The following FHIT variants were observed in gnomAD, a reference collection of about 807,000 sequenced individuals.
The protein encoded by FHIT is fragile histidine triad diadenosine triphosphatase.
FHIT carries 19 observed loss-of-function variants against 17.9 expected under a neutral mutation model. That is an observed-to-expected ratio of 1.06 (90% CI 0.74 to 1.56). The LOEUF (loss-of-function observed/expected upper bound fraction) is 1.56. Ranked by LOEUF, FHIT falls within the 40% of genes most tolerant of loss-of-function variation. FHIT has a pLI of 0.00. For missense variants in FHIT, 248 were observed against 189.2 expected, an observed-to-expected ratio of 1.31 and a Z score of -1.82; for synonymous variants, 81 against 69.7, an observed-to-expected ratio of 1.16 and a Z score of -0.81.
At chr3:60,807,073 T>A (rs1170411321) in intron 4 of FHIT, among the ~76,000 whole-genome samples, 1 of 152,180 alleles carries the variant, frequency 6.6e-6, no homozygotes, top group African/African-American at 2.4e-5. Context: ...AAATTATTAA[T>A]CAGTTGAAGT....
intron 5 of FHIT, among the ~76,000 whole-genome samples, chr3:60,368,782 T>C (rs1250081411): frequency 2.0e-5 from 3 of 152,186 alleles, no homozygotes; most frequent in South Asian, 4.1e-4. Context: ...TAATTTGTTA[T>C]AGAACTTCTA....
intron 5 of FHIT, among the ~76,000 whole-genome samples, chr3:60,450,586 G>A (rs986933497): frequency 1.3e-5 from 2 of 152,164 alleles, no homozygotes; most frequent in African/African-American, 4.8e-5. Flanking sequence ...TGCAGAGCAG[G>A]AAGAGAGATT....
chr3:61,230,503 T>C (rs914809648), intron 1 of FHIT, among the ~76,000 whole-genome samples: 9 of 152,132 alleles, frequency 5.9e-5, no homozygotes, highest in Admixed American at 5.9e-4. Flanking sequence ...GTGAGCCAAT[T>C]AAATCTCTAT....
chr3:61,040,105 G>A lies in FHIT; in HGVS notation c.-111+1942C>T, dbSNP rs149892581. 1.1e-3 allele frequency among the ~76,000 whole-genome samples: 163 copies of A among 152,248 alleles called. 1 individual carries two copies. Among genetic ancestry groups the A allele is most frequent in the East Asian group, 4.1e-3 (21 of 5,170 alleles). ...TTTGCAAACCTCAAAGGGGTTTAAC[G>A]AAACCTTACTCTCCCCTTTAAATGT... On this transcript the variant is annotated intron_variant, in intron 3 of 9. Transcript: ENST00000492590.
At chr3:60,688,803 T>A (rs2040919751) in intron 4 of FHIT, among the ~76,000 whole-genome samples, 1 of 152,214 alleles carries the variant, frequency 6.6e-6, no homozygotes, top group African/African-American at 2.4e-5. Context: ...GTAAATGATA[T>A]GTTTGTAACA....
At chr3:60,590,955 G>T (rs906764381) in intron 4 of FHIT, among the ~76,000 whole-genome samples, 4 of 151,918 alleles carry the variant, frequency 2.6e-5, no homozygotes, top group African/African-American at 4.8e-5. Context: ...CATCCAGGGG[G>T]GAAAAATGGA....
intron 4 of FHIT, among the ~76,000 whole-genome samples, chr3:60,664,976 T>G (rs1226825897): frequency 6.6e-6 from 1 of 151,992 alleles, no homozygotes; most frequent in Admixed American, 6.5e-5. Context: ...CTTTTATCCT[T>G]ATTATTTCCT....
chr3:60,769,797 G>A (rs1470643607), intron 4 of FHIT, among the ~76,000 whole-genome samples: 1 of 152,188 alleles, frequency 6.6e-6, no homozygotes, highest in African/African-American at 2.4e-5. Context: ...TATTAACTTA[G>A]GTTTTCAATT....
At chr3:60,173,717 A>C (rs531315210) in intron 5 of FHIT, among the ~76,000 whole-genome samples, 90 of 151,266 alleles carry the variant, frequency 5.9e-4, no homozygotes, top group Middle Eastern at 6.8e-3. Flanking sequence ...AACTGGTCTC[A>C]GTTCTCAGTG....
intron 2 of FHIT, among the ~76,000 whole-genome samples, chr3:61,147,883 A>G (rs2037272323): frequency 6.6e-6 from 1 of 152,038 alleles, no homozygotes; most frequent in African/African-American, 2.4e-5. Flanking sequence ...AATTGACATT[A>G]TCATTTGGCC....
chr3:60,310,098 C>G (rs1232812000), intron 5 of FHIT, among the ~76,000 whole-genome samples: 1 of 152,070 alleles, frequency 6.6e-6, no homozygotes, highest in African/African-American at 2.4e-5. Context: ...ACAAAGGCAA[C>G]CTTTATTTAC....
chr3:61,124,797 A>T (rs760747766), intron 2 of FHIT, among the ~76,000 whole-genome samples: 3 of 152,204 alleles, frequency 2.0e-5, no homozygotes, highest in Non-Finnish European at 4.4e-5. Flanking sequence ...TCGATCATCC[A>T]TCTGTGCAGT....
chr3:59,937,824 T>G (rs1233803169), intron 7 of FHIT, among the ~76,000 whole-genome samples: 1 of 152,194 alleles, frequency 6.6e-6, no homozygotes. Flanking sequence ...CCTGCTTTTC[T>G]CTTGGTACAT....
chr3:60,808,839 C>T (rs1432652893), intron 4 of FHIT, among the ~76,000 whole-genome samples: 1 of 152,130 alleles, frequency 6.6e-6, no homozygotes, highest in African/African-American at 2.4e-5. Flanking sequence ...GGCTTGGTGG[C>T]CAAAACTTCA....
At chr3:60,423,453 A>G (rs919539922) in intron 5 of FHIT, among the ~76,000 whole-genome samples, 8 of 152,146 alleles carry the variant, frequency 5.3e-5, no homozygotes, top group Admixed American at 4.6e-4. Flanking sequence ...ATGCTTATAT[A>G]ATTATCAGGA....
At chr3:61,203,053 G>A (rs577413363) in intron 1 of FHIT, among the ~76,000 whole-genome samples, 239 of 152,096 alleles carry the variant, frequency 1.6e-3, no homozygotes, top group East Asian at 5.8e-3. Context: ...GGTACCAGGC[G>A]CCTGTAGTCC....
At chr3:61,153,654 A>C (rs1005577586) in intron 2 of FHIT, among the ~76,000 whole-genome samples, 1 of 152,200 alleles carries the variant, frequency 6.6e-6, no homozygotes, top group Non-Finnish European at 1.5e-5. Context: ...ATACCTGAGT[A>C]AGGAATGCTG....
intron 1 of FHIT, among the ~76,000 whole-genome samples, chr3:61,249,031 C>A (rs943330238): frequency 2.6e-5 from 4 of 152,178 alleles, no homozygotes; most frequent in Non-Finnish European, 2.9e-5. Flanking sequence ...GCTCAAAAAA[C>A]ATTTGTTGAA....
intron 5 of FHIT, among the ~76,000 whole-genome samples, chr3:60,122,296 T>A (rs1469939725): frequency 6.6e-6 from 1 of 152,180 alleles, no homozygotes; most frequent in Non-Finnish European, 1.5e-5. Context: ...GATCCTATGA[T>A]ACGTGTTGTC....
Sources: gnomAD v4.1 joint callset for allele counts (sites outside exome capture counted in the v4.1 genomes callset) on GRCh38, gnomAD v4.1.1 for gene constraint, MANE v1.5 for transcripts, NCBI Gene and HGNC (gene_info 2026-07-23, HGNC 2026-07-21) for gene names.